Variants in LTBP1 observed in about 807,000 individuals in gnomAD.
LTBP1 encodes latent-transforming growth factor beta-binding protein 1.
A neutral mutation model predicts 207.6 loss-of-function variants in LTBP1; 129 were observed. That is an observed-to-expected ratio of 0.62 (90% CI 0.54 to 0.72). LTBP1 has a LOEUF of 0.72. LTBP1 is among the 30% of genes least tolerant of loss of function. LTBP1 has a pLI of 0.00. For synonymous variants in LTBP1, 963 were observed against 833.7 expected (o/e 1.16, Z -2.67); for missense variants, 2,281 against 2,217.2 (o/e 1.03, Z -0.58).
At chr2:33,190,590 T>A (rs2087752445) in intron 7 of LTBP1, among the ~76,000 whole-genome samples, 1 of 152,230 alleles carries the variant, frequency 6.6e-6, no homozygotes, top group African/African-American at 2.4e-5. Context: ...AGTGGCTTCC[T>A]TATCTGCAAA....
At chr2:33,182,963 TA>T (rs11290836) in intron 5 of LTBP1, among the ~76,000 whole-genome samples, 78,153 of 151,064 alleles carry the variant, frequency 0.52, 20,461 homozygotes, top group African/African-American at 0.53. Context: ...CTTGATAATT[TA>T]AAATGTTAGA....
intron 5 of LTBP1, among the ~76,000 whole-genome samples, chr2:33,174,034 C>A (rs1000178602): frequency 1.4e-5 from 2 of 140,230 alleles, no homozygotes; most frequent in Non-Finnish European, 3.2e-5. Flanking sequence ...CTATGACAAA[C>A]CCACAGCCAA....
chr2:33,057,726 G>A (rs556504743), intron 3 of LTBP1, among the ~76,000 whole-genome samples: 2 of 152,228 alleles, frequency 1.3e-5, no homozygotes, highest in South Asian at 2.1e-4. Flanking sequence ...CTCTGAGTGC[G>A]GGGCCGCCAA....
intron 2 of LTBP1, among the ~76,000 whole-genome samples, chr2:32,953,354 T>G (rs1677505903): frequency 6.6e-6 from 1 of 152,188 alleles, no homozygotes; most frequent in Non-Finnish European, 1.5e-5. Flanking sequence ...AGTGATTATA[T>G]ATTTTTTTGT....
rs1676303859 is a variant in LTBP1 at position 32,947,205 on chromosome 2, C to T, written c.-120C>T. ...CCTCGCCACCGACTTGGTCTCCTCC[C>T]GCCTTTCCCGGGCTCTCGGCAGCTC... On this transcript the variant is annotated 5_prime_UTR_variant, in exon 1 of 34. Transcript: ENST00000404816. The T allele has an allele frequency of 4.0e-6, 3 of 758,176 alleles. No individual in the cohort carries two copies. Among genetic ancestry groups the T allele is most frequent in the South Asian group, 1.3e-4 (2 of 15,106 alleles). 47.0% of individuals were successfully genotyped at this position (758,176 alleles called of 1,614,324 possible).
intron 3 of LTBP1, among the ~76,000 whole-genome samples, chr2:33,103,586 C>CGTGTGTGTGTGTGTGTGT (rs71407500): frequency 5.3e-4 from 63 of 118,226 alleles, no homozygotes; most frequent in Admixed American, 9.8e-4. Context: ...TCTCCGTTTA[C>CGTGTGTGTGTGTGTGTGT]GTGTGTGTGT....
At chr2:33,363,759 C>T (rs1211458817) in intron 29 of LTBP1, among the ~76,000 whole-genome samples, 1 of 152,176 alleles carries the variant, frequency 6.6e-6, no homozygotes, top group Non-Finnish European at 1.5e-5. Flanking sequence ...AATTATGATT[C>T]AGGCCACTGG....
At chr2:33,149,254 AAG>A (rs869171637) in intron 5 of LTBP1, among the ~76,000 whole-genome samples, 1 of 150,022 alleles carries the variant, frequency 6.7e-6, no homozygotes, top group Non-Finnish European at 1.5e-5. Context: ...AAAAAAAAAA[AAG>A]AGAGGGAGCT....
At chr2:33,025,232 G>A (rs1442290774) in intron 3 of LTBP1, among the ~76,000 whole-genome samples, 1 of 152,142 alleles carries the variant, frequency 6.6e-6, no homozygotes, top group South Asian at 2.1e-4. Context: ...ACTCAGAGGG[G>A]GTAGAAGTAT....
At chr2:33,309,700 G>T in intron 23 of LTBP1, 144 bp downstream of exon 23, 1 of 943,670 alleles carries the variant, frequency 1.1e-6, no homozygotes, top group Non-Finnish European at 1.6e-6. Context: ...AGCTGTCTTG[G>T]GTCCACATCA....
At chr2:32,954,301 C>T (rs777944495) in intron 2 of LTBP1, among the ~76,000 whole-genome samples, 47 of 152,212 alleles carry the variant, frequency 3.1e-4, no homozygotes, top group Admixed American at 4.6e-4. Context: ...ACAAGTTCCA[C>T]AAGCTGGGTG....
At chr2:33,062,197 G>A (rs2077298463) in intron 3 of LTBP1, among the ~76,000 whole-genome samples, 1 of 145,532 alleles carries the variant, frequency 6.9e-6, no homozygotes, top group Admixed American at 7.1e-5. Flanking sequence ...TATATATCCT[G>A]GATATCAATC....
intron 7 of LTBP1, among the ~76,000 whole-genome samples, chr2:33,210,041 T>C (rs919139053): frequency 6.6e-6 from 1 of 152,260 alleles, no homozygotes; most frequent in Non-Finnish European, 1.5e-5. Context: ...CCTCTTGCCA[T>C]TTACCCAGTT....
chr2:33,002,351 A>G (rs1462674213), intron 2 of LTBP1, among the ~76,000 whole-genome samples: 2 of 152,144 alleles, frequency 1.3e-5, no homozygotes, highest in African/African-American at 4.8e-5. Context: ...GTGGAAAGAA[A>G]ATGTTTGTGT....
chr2:33,333,145 G>A (rs1181142205), intron 24 of LTBP1: 1 of 152,140 alleles, frequency 6.6e-6, no homozygotes, highest in Non-Finnish European at 1.5e-5. Flanking sequence ...CTAAAAAGAT[G>A]CACATTTTTT....
chr2:33,046,567 G>A (rs2076457103), intron 3 of LTBP1, among the ~76,000 whole-genome samples: 1 of 152,118 alleles, frequency 6.6e-6, no homozygotes, highest in Non-Finnish European at 1.5e-5. Context: ...ATATTGGCCT[G>A]AAATTTTCTT....
chr2:33,287,000 G>A (rs138308454), intron 19 of LTBP1, among the ~76,000 whole-genome samples: 2,919 of 152,278 alleles, frequency 0.019, 35 homozygotes, highest in Middle Eastern at 0.085. Flanking sequence ...GTTAATGGGT[G>A]CAGCACACCA....
At chr2:33,222,485 C>T (rs2091175127) in intron 9 of LTBP1, among the ~76,000 whole-genome samples, 1 of 152,130 alleles carries the variant, frequency 6.6e-6, no homozygotes, top group Admixed American at 6.5e-5. Context: ...CTTGCAGGCA[C>T]CCACATGTAC....
At chr2:33,315,772 A>G (rs191042800) in intron 24 of LTBP1, among the ~76,000 whole-genome samples, 192 of 152,196 alleles carry the variant, frequency 1.3e-3, no homozygotes, top group African/African-American at 3.5e-3. Context: ...CCTCATCTCT[A>G]CTGAATATAC....
Sources: gnomAD v4.1 joint callset for allele counts (sites outside exome capture counted in the v4.1 genomes callset) on GRCh38, gnomAD v4.1.1 for gene constraint, MANE v1.5 for transcripts, NCBI Gene and HGNC (gene_info 2026-07-23, HGNC 2026-07-21) for gene names.